Variants in WEE2 observed in about 807,000 individuals in gnomAD.
WEE2 encodes wee1-like protein kinase 2.
WEE2 carries 50 observed loss-of-function variants against 60.1 expected under a neutral mutation model. That is an observed-to-expected ratio of 0.83 (90% CI 0.66 to 1.05). The LOEUF is 1.05. Among genes scored for constraint, WEE2 ranks in the 50% least tolerant of loss-of-function variants. WEE2 has a pLI of 0.00. For synonymous variants in WEE2, 240 were observed against 241.0 expected (o/e 1.00, Z 0.04); for missense variants, 631 against 684.3 (o/e 0.92, Z 0.87).
In WEE2 at chr7:141,730,470, C is replaced by G. The variant is rs1799119969; in HGVS notation, c.*150C>G. ...AAGTCACAGCTTACAGAAAATGTGCCTGGATTTCCACAGCGCTTCCCAGGT... is the reference window on the plus strand; with the variant it reads ...AAGTCACAGCTTACAGAAAATGTGCGTGGATTTCCACAGCGCTTCCCAGGT... On this transcript the variant is annotated 3_prime_UTR_variant, in exon 12 of 12. Transcript: ENST00000397541. 1.6e-5 allele frequency: 11 copies of G among 667,762 alleles called. No homozygotes were observed. Among genetic ancestry groups the G allele is most frequent in the Non-Finnish European group, 1.5e-5 (6 of 390,666 alleles). The allele number at this position is 667,762 out of a possible 1,614,324, so 41.4% of individuals were successfully genotyped here. A position where few individuals can be genotyped will look rare whatever the true frequency, so the allele number is the denominator to read the frequency against.
chr7:141,715,878 A>T (rs1420022331), intron 2 of WEE2, among the ~76,000 whole-genome samples: 2 of 152,204 alleles, frequency 1.3e-5, no homozygotes, highest in African/African-American at 4.8e-5. Context: ...ACAGTTGCAC[A>T]TATGTTCTGT....
In WEE2 at chr7:141,716,216, T is replaced by C; in HGVS notation, c.540-6T>C. On this transcript the variant is annotated splice_polypyrimidine_tract_variant and splice_region_variant and intron_variant, in intron 2 of 11. Coordinates refer to ENST00000397541, the MANE Select transcript of WEE2 (RefSeq NM_001105558.1). ...ATATTGATAAACTTTTTTTTTCTTT[T>C]TTAAGTGAGGAAGCTGGTCCAGAGG... 1 of 1,611,024 alleles carries C rather than the reference T, an allele frequency of 6.2e-7. No homozygotes were observed. Among genetic ancestry groups the C allele is most frequent in the South Asian group, 1.1e-5 (1 of 90,372 alleles).
At chr7:141,728,834 T>C (rs540878527) in intron 10 of WEE2, among the ~76,000 whole-genome samples, 52 of 152,324 alleles carry the variant, frequency 3.4e-4, no homozygotes, top group African/African-American at 1.1e-3. Flanking sequence ...ACAAACCCTA[T>C]TGTAAACTGT....
At chr7:141,727,258 C>A in intron 9 of WEE2, 46 bp from the exon 10 acceptor site, 1 of 1,573,616 alleles carries the variant, frequency 6.4e-7, no homozygotes, top group Non-Finnish European at 8.6e-7. Context: ...AGATTTTTCC[C>A]AATAGTGAAG....
intron 1 of WEE2, among the ~76,000 whole-genome samples, chr7:141,713,507 A>G (rs941076117): frequency 2.6e-5 from 4 of 152,090 alleles, no homozygotes. Flanking sequence ...ACATTGACCT[A>G]TTTGTTGGTA....
At chr7:141,728,052 G>A (rs1310546047) in intron 10 of WEE2, 1 of 152,264 alleles carries the variant, frequency 6.6e-6, no homozygotes, top group African/African-American at 2.4e-5. Context: ...CTCATCGATT[G>A]CACTCCGGAT....
intron 1 of WEE2, among the ~76,000 whole-genome samples, chr7:141,710,503 G>T (rs931671000): frequency 2.0e-5 from 3 of 152,126 alleles, no homozygotes; most frequent in African/African-American, 7.2e-5. Flanking sequence ...CCTTCAAAAA[G>T]AGCCCACAAA....
At chr7:141,717,564 A>C (rs1024625731) in intron 3 of WEE2, among the ~76,000 whole-genome samples, 6 of 152,220 alleles carry the variant, frequency 3.9e-5, no homozygotes, top group Admixed American at 2.0e-4. Flanking sequence ...AAACCTTTGA[A>C]ATTTCAAAAC....
chr7:141,710,260 G>C (rs1049004124), intron 1 of WEE2, among the ~76,000 whole-genome samples: 5 of 152,140 alleles, frequency 3.3e-5, no homozygotes, highest in Non-Finnish European at 7.3e-5. Flanking sequence ...TGATAAGTGT[G>C]GTCAGAACCC....
intron 1 of WEE2, 105 bp downstream of exon 1, chr7:141,709,205 C>A (rs1798672617): frequency 1.3e-6 from 1 of 791,716 alleles, no homozygotes; most frequent in Non-Finnish European, 2.1e-6. Context: ...CACCTCCAGG[C>A]TGTGTATATC....
rs779751709 is a variant in WEE2, at chr7:141,719,122, C to T, written c.636C>T (p.Phe212=). The change falls in exon 4 of 12, where the codon TTC becomes TTT. Residue 212 remains phenylalanine, a synonymous_variant. Coordinates refer to ENST00000397541, the MANE Select transcript of WEE2 (RefSeq NM_001105558.1). ...TNMASRYEKE[F]LEVEKIGVGE... is the part of the protein sequence containing the mutation. ...TGGCTTCCCGCTATGAAAAAGAATT[C>T]TTGGAGGTTGAAAAAATTGGGGTTG... 6.2e-7 allele frequency: 1 copy of T among 1,613,958 alleles called. No individual in the cohort carries two copies. Among genetic ancestry groups the T allele is most frequent in the Non-Finnish European group, 8.5e-7 (1 of 1,179,958 alleles).
Position 141,708,711 on chromosome 7 carries a change from C to T in WEE2, c.-48C>T, listed in dbSNP as rs1418580612. On this transcript the variant is annotated 5_prime_UTR_variant, in exon 1 of 12. Transcript: ENST00000397541. ...CCTGCTTCTGTAGGTTCACAGCGTTCCCTTCTGATAGAGCTTTTTGTCTGT... is the reference window on the plus strand; with the variant it reads ...CCTGCTTCTGTAGGTTCACAGCGTTTCCTTCTGATAGAGCTTTTTGTCTGT... 1 of 1,517,454 alleles carries T rather than the reference C, an allele frequency of 6.6e-7. No homozygotes were observed. Among genetic ancestry groups the T allele is most frequent in the African/African-American group, 1.4e-5 (1 of 72,052 alleles). The allele number at this position is 1,517,454 out of a possible 1,614,324, so 94.0% of individuals were successfully genotyped here.
At chr7:141,723,066 A>T (rs542208188) in intron 5 of WEE2, 68 bp from the exon 6 acceptor site, 2 of 1,585,406 alleles carry the variant, frequency 1.3e-6, no homozygotes, top group Non-Finnish European at 1.7e-6. Context: ...TAGGAGGCCA[A>T]TTGTATTTAC....
At chr7:141,709,709 T>C (rs574138913) in intron 1 of WEE2, among the ~76,000 whole-genome samples, 1 of 152,334 alleles carries the variant, frequency 6.6e-6, no homozygotes, top group South Asian at 2.1e-4. Flanking sequence ...TTCTAGTATA[T>C]GTCAGCAAAG....
intron 9 of WEE2, 81 bp from the exon 10 acceptor site, chr7:141,727,223 T>C (rs981105140): frequency 2.7e-6 from 4 of 1,457,992 alleles, no homozygotes; most frequent in African/African-American, 1.4e-5. Context: ...CAGGAGAAGC[T>C]GGGTTGGAGT....
At chr7:141,709,197 C>T in intron 1 of WEE2, 97 bp downstream of exon 1, 3 of 910,106 alleles carry the variant, frequency 3.3e-6, no homozygotes, top group Non-Finnish European at 5.1e-6. Flanking sequence ...ATGACAGTCA[C>T]CTCCAGGCTG....
rs1799089949 is a variant in WEE2 at position 141,729,606 on chromosome 7, C to T, written c.1611C>T (p.Thr537=). The T allele has an allele frequency of 6.2e-7, 1 of 1,614,114 alleles. No individual in the cohort carries two copies. Among genetic ancestry groups the T allele is most frequent in the Non-Finnish European group, 8.5e-7 (1 of 1,180,016 alleles). Reference sequence around the variant, plus strand: ...ATGGTGACACTGGGGTCTCTGGGACCCACACAGGATCAAGAAGCACAAAAC... The same window carrying T: ...ATGGTGACACTGGGGTCTCTGGGACTCACACAGGATCAAGAAGCACAAAAC... The part of the protein sequence containing the change: ...THHGDTGVSG[T]HTGSRSTKRL... Residue 537 remains threonine, a synonymous_variant, in exon 11 of 12, where the codon ACC becomes ACT. Coordinates refer to ENST00000397541, the MANE Select transcript of WEE2 (RefSeq NM_001105558.1).
chr7:141,717,282 G>A (rs889979574), intron 3 of WEE2, among the ~76,000 whole-genome samples: 40 of 152,110 alleles, frequency 2.6e-4, no homozygotes, highest in African/African-American at 8.0e-4. Flanking sequence ...TTTTATTTGC[G>A]TAAATAAATA....
At chr7:141,718,640 C>T (rs375166356) in intron 3 of WEE2, among the ~76,000 whole-genome samples, 123 of 152,132 alleles carry the variant, frequency 8.1e-4, no homozygotes, top group African/African-American at 2.8e-3. Context: ...GCTTATTCAG[C>T]TTGAGATGGA....
Sources: allele counts gnomAD v4.1 joint callset (sites outside exome capture counted in the v4.1 genomes callset), GRCh38; gene constraint gnomAD v4.1.1; transcripts MANE v1.5; gene names NCBI Gene and HGNC (gene_info 2026-07-23, HGNC 2026-07-21).